Variants in AKAP7 observed in about 807,000 individuals in gnomAD.
AKAP7 encodes the protein A kinase (PRKA) anchor protein 7.
Under a neutral mutation model 39.5 loss-of-function variants are expected in AKAP7, and 39 were observed. The ratio of observed to expected loss-of-function variants is 0.99; its 90% CI spans 0.76 to 1.29. The LOEUF is 1.29. Among genes scored for constraint, AKAP7 ranks in the 50% most tolerant of loss-of-function variants. The pLI is 0.00. For missense variants in AKAP7, 414 were observed against 407.7 expected, an observed-to-expected ratio of 1.02 and a Z score of -0.13; for synonymous variants, 140 against 139.1, an observed-to-expected ratio of 1.01 and a Z score of -0.05.
At chr6:131,140,304 G>A (rs1156978389) in intron 1 of AKAP7, among the ~76,000 whole-genome samples, 3 of 151,932 alleles carry the variant, frequency 2.0e-5, no homozygotes, top group East Asian at 1.9e-4. Flanking sequence ...ATTCTAATGT[G>A]CAGTTACTAT....
At chr6:131,137,230 T>A (rs1250163808) in intron 1 of AKAP7, 1 of 152,082 alleles carries the variant, frequency 6.6e-6, no homozygotes, top group Non-Finnish European at 1.5e-5. Flanking sequence ...GGATTACACG[T>A]GTGAGCCAAC....
chr6:131,144,674 C>A (rs1487802252), intron 1 of AKAP7, among the ~76,000 whole-genome samples: 1 of 152,070 alleles, frequency 6.6e-6, no homozygotes. Context: ...CAAAAAAAGA[C>A]CAAATAGGAA....
chr6:131,202,065 A>G (rs1444850970), intron 6 of AKAP7, among the ~76,000 whole-genome samples: 3 of 152,056 alleles, frequency 2.0e-5, no homozygotes, highest in African/African-American at 7.2e-5. Context: ...AATGAGATAC[A>G]TCTCACACCA....
At chr6:131,172,386 G>A (rs897319330) in intron 5 of AKAP7, among the ~76,000 whole-genome samples, 2 of 151,986 alleles carry the variant, frequency 1.3e-5, no homozygotes, top group Non-Finnish European at 2.9e-5. Context: ...GTCTTGCTCT[G>A]TCACCCAGGC....
intron 2 of AKAP7, among the ~76,000 whole-genome samples, chr6:131,157,301 A>G (rs752222262): frequency 6.6e-6 from 1 of 152,220 alleles, no homozygotes; most frequent in Non-Finnish European, 1.5e-5. Context: ...AAGAGAGTTT[A>G]TGTGCTCATC....
intron 3 of AKAP7, among the ~76,000 whole-genome samples, chr6:131,161,626 C>CA (rs1802957373): frequency 1.1e-5 from 1 of 93,066 alleles, no homozygotes. Context: ...GCCTGGGTGA[C>CA]AGAGCCAGAC....
chr6:131,165,127 A>G lies in AKAP7; in HGVS notation c.338A>G (p.Asp113Gly), dbSNP rs1350991525. 3 of 1,611,936 alleles carry G rather than the reference A, an allele frequency of 1.9e-6. No homozygotes were observed. Among genetic ancestry groups the G allele is most frequent in the South Asian group, 2.2e-5 (2 of 90,768 alleles). The change falls in exon 4 of 8, where the codon GAT (aspartate) becomes GGT (glycine). Residue 113 changes from aspartate to glycine, a missense_variant. Physicochemically the swap from Asp to Gly is moderately conservative, Grantham distance 94 (BLOSUM62 -1). Coordinates refer to ENST00000431975, the MANE Select transcript of AKAP7 (RefSeq NM_016377.4). ...CTGCAGAATGCAATAATACAACAAG[A>G]TGAGCGACTGGCCAAAGCAATGGTC... Reference protein sequence around the residue: ...KILQNAIIQQDERLAKAMVSD... With the variant: ...KILQNAIIQQGERLAKAMVSD...
intron 7 of AKAP7, among the ~76,000 whole-genome samples, chr6:131,261,189 CAA>C (rs962954755): frequency 8.4e-6 from 1 of 119,338 alleles, no homozygotes; most frequent in African/African-American, 3.3e-5. Flanking sequence ...GCCTGGGCAA[CAA>C]GAGCAAAACT....
intron 7 of AKAP7, among the ~76,000 whole-genome samples, chr6:131,241,402 G>C (rs1293672529): frequency 6.6e-6 from 1 of 151,944 alleles, no homozygotes; most frequent in African/African-American, 2.4e-5. Context: ...CCAGATTTGG[G>C]GTTTAGACAA....
intron 5 of AKAP7, among the ~76,000 whole-genome samples, chr6:131,191,054 G>C (rs1237888060): frequency 1.3e-5 from 2 of 152,166 alleles, no homozygotes; most frequent in African/African-American, 2.4e-5. Flanking sequence ...TGTTTTCTGG[G>C]TTGATACAAA....
chr6:131,259,308 A>T (rs1484827346), intron 7 of AKAP7, among the ~76,000 whole-genome samples: 3 of 152,092 alleles, frequency 2.0e-5, no homozygotes, highest in Non-Finnish European at 4.4e-5. Context: ...TTGTAGTCAG[A>T]CTTTGTTTAG....
At chr6:131,154,477 T>G (rs1327421074) in intron 2 of AKAP7, among the ~76,000 whole-genome samples, 2 of 151,142 alleles carry the variant, frequency 1.3e-5, no homozygotes. Flanking sequence ...TGTTTTTTTT[T>G]TTTTTTTTTT....
chr6:131,260,372 A>T (rs1210808170), intron 7 of AKAP7, among the ~76,000 whole-genome samples: 1 of 152,110 alleles, frequency 6.6e-6, no homozygotes, highest in African/African-American at 2.4e-5. Context: ...TCTTTGAGGA[A>T]TCTCCACACT....
chr6:131,255,888 C>T (rs1453332802), intron 7 of AKAP7, among the ~76,000 whole-genome samples: 1 of 152,182 alleles, frequency 6.6e-6, no homozygotes, highest in East Asian at 1.9e-4. Flanking sequence ...TCTTTGACTT[C>T]CCCTCTTTTT....
At chr6:131,271,235 A>G (rs754301291) in intron 7 of AKAP7, among the ~76,000 whole-genome samples, 15 of 151,978 alleles carry the variant, frequency 9.9e-5, no homozygotes, top group South Asian at 2.1e-4. Context: ...TTTAATTTTT[A>G]TATTGGTGTA....
chr6:131,224,298 C>T (rs895538219), intron 7 of AKAP7, among the ~76,000 whole-genome samples: 4 of 152,008 alleles, frequency 2.6e-5, no homozygotes, highest in Non-Finnish European at 5.9e-5. Flanking sequence ...TGTTTTATTT[C>T]TTAATCAGAT....
chr6:131,217,038 ATAGT>A (rs901256402), intron 6 of AKAP7, among the ~76,000 whole-genome samples: 8 of 152,156 alleles, frequency 5.3e-5, no homozygotes, highest in African/African-American at 1.9e-4. Context: ...ACCTCCATTG[ATAGT>A]TAAGTAATAG....
At chr6:131,190,926 A>C (rs767129502) in intron 5 of AKAP7, among the ~76,000 whole-genome samples, 5 of 152,168 alleles carry the variant, frequency 3.3e-5, no homozygotes, top group Non-Finnish European at 7.3e-5. Flanking sequence ...AGGAGACCAA[A>C]ATAACTTTTA....
chr6:131,255,634 C>CA (rs1174450604), intron 7 of AKAP7, among the ~76,000 whole-genome samples: 2 of 152,154 alleles, frequency 1.3e-5, no homozygotes, highest in African/African-American at 2.4e-5. Flanking sequence ...GTAGACAGAG[C>CA]ACAGGCCTGG....
Sources: allele counts gnomAD v4.1 joint callset (sites outside exome capture counted in the v4.1 genomes callset), GRCh38; gene constraint gnomAD v4.1.1; transcripts MANE v1.5; gene names NCBI Gene and HGNC (gene_info 2026-07-23, HGNC 2026-07-21).